Variants in PRPSAP1 observed in about 807,000 individuals in gnomAD.
The protein encoded by PRPSAP1 is phosphoribosyl pyrophosphate synthase-associated protein 1.
PRPSAP1 carries 31 observed loss-of-function variants against 39.4 expected under a neutral mutation model. The ratio of observed to expected loss-of-function variants is 0.79; its 90% CI spans 0.59 to 1.06. The LOEUF (loss-of-function observed/expected upper bound fraction) is 1.06. Among genes scored for constraint, PRPSAP1 ranks in the 50% least tolerant of loss-of-function variants. The pLI, the probability that PRPSAP1 is intolerant of heterozygous loss-of-function variation, is 0.00. For synonymous variants in PRPSAP1, 212 were observed against 192.6 expected, an observed-to-expected ratio of 1.10 and a Z score of -0.83; for missense variants, 430 against 511.6, an observed-to-expected ratio of 0.84 and a Z score of 1.54.
intron 7 of PRPSAP1, among the ~76,000 whole-genome samples, chr17:76,322,326 G>T (rs1164345067): frequency 6.6e-6 from 1 of 152,152 alleles, no homozygotes; most frequent in East Asian, 1.9e-4. Flanking sequence ...AACCCAGGAG[G>T]TGAAGATTGC....
chr17:76,336,562 G>A lies in PRPSAP1; in HGVS notation c.291-4127C>T, dbSNP rs141211354. ...GCCTGACCAACATGGAGAAACCCCC[G>A]TCTCAACTAAAAATACAAAATTAGC... On this transcript the variant is annotated intron_variant, in intron 3 of 9. Transcript: ENST00000446526. 7.6e-3 allele frequency among the ~76,000 whole-genome samples: 1,143 copies of A among 150,988 alleles called. 18 individuals carry two copies. Among genetic ancestry groups the A allele is most frequent in the South Asian group, 0.034 (162 of 4,788 alleles).
Position 76,353,657 on chromosome 17 carries a change from G to T in PRPSAP1, c.47C>A (p.Ala16Asp). ...GGGGCGGGCGCGCGGGACGCGGAAA[G>T]CCGAGGACGCGGAGGGCGGGGGCAA... The part of the protein sequence containing the change: ...LLLPPPSASS[A>D]FRVPRARPVP... Residue 16 changes from alanine to aspartate, a missense_variant, in exon 1 of 10, where the codon GCT (alanine) becomes GAT (aspartate). Coordinates refer to ENST00000446526, the MANE Select transcript of PRPSAP1 (RefSeq NM_002766.3). 6.5e-7 allele frequency: 1 copy of T among 1,529,016 alleles called. No individual in the cohort carries two copies. 94.7% of individuals were successfully genotyped at this position (1,529,016 alleles called of 1,614,324 possible).
chr17:76,329,038 G>GT, intron 6 of PRPSAP1, 176 bp from the exon 7 acceptor site: 1 of 702,350 alleles, frequency 1.4e-6, no homozygotes, highest in East Asian at 3.0e-5. Context: ...CAAAGGGCAC[G>GT]TGAGTTAGGG....
At chr17:76,352,537 T>C (rs2071586779) in intron 1 of PRPSAP1, among the ~76,000 whole-genome samples, 2 of 145,692 alleles carry the variant, frequency 1.4e-5, no homozygotes, top group African/African-American at 2.6e-5. Flanking sequence ...CCCAGCTACT[T>C]GGGAGGCTGG....
chr17:76,353,651 C>A lies in PRPSAP1; in HGVS notation c.53G>T (p.Arg18Leu). The change falls in exon 1 of 10, where the codon CGC becomes CTC. Residue 18 changes from arginine to leucine, a missense_variant. This residue lies in a region of PRPSAP1 where 152 missense variants were observed against 135.2 expected (regional missense o/e 1.12). Transcript: ENST00000446526. ...LPPPSASSAFRVPRARPVPPP... is the reference protein window; with the variant it reads ...LPPPSASSAFLVPRARPVPPP... ...GGGAACGGGGCGGGCGCGCGGGACGCGGAAAGCCGAGGACGCGGAGGGCGG... is the reference window on the plus strand; with the variant it reads ...GGGAACGGGGCGGGCGCGCGGGACGAGGAAAGCCGAGGACGCGGAGGGCGG... 6.5e-7 allele frequency: 1 copy of A among 1,531,614 alleles called. No individual in the cohort carries two copies. The highest frequency in any genetic ancestry group is 2.6e-5 in the East Asian group (1 of 38,518). The allele number at this position is 1,531,614 out of a possible 1,614,324, so 94.9% of individuals were successfully genotyped here.
At chr17:76,339,666 A>T (rs2071415069) in intron 3 of PRPSAP1, among the ~76,000 whole-genome samples, 1 of 151,652 alleles carries the variant, frequency 6.6e-6, no homozygotes, top group Admixed American at 6.6e-5. Context: ...CACCATCTTC[A>T]GGAGAGGGTT....
intron 1 of PRPSAP1, among the ~76,000 whole-genome samples, chr17:76,352,020 T>G (rs1158354939): frequency 6.6e-6 from 1 of 151,854 alleles, no homozygotes; most frequent in Non-Finnish European, 1.5e-5. Context: ...GCAAAAGGAT[T>G]GATTTGTTTT....
At chr17:76,331,874 A>G (rs1242146932) in intron 4 of PRPSAP1, among the ~76,000 whole-genome samples, 1 of 152,092 alleles carries the variant, frequency 6.6e-6, no homozygotes, top group East Asian at 1.9e-4. Flanking sequence ...GGGGAGAGGG[A>G]GTAAAAGAAA....
chr17:76,321,522 C>T (rs576833836), intron 7 of PRPSAP1, among the ~76,000 whole-genome samples: 12 of 152,208 alleles, frequency 7.9e-5, no homozygotes, highest in Non-Finnish European at 1.6e-4. Flanking sequence ...CACACACACA[C>T]ACACGCACAA....
At chr17:76,314,283 G>A (rs899806722) in intron 7 of PRPSAP1, 1 of 224,768 alleles carries the variant, frequency 4.4e-6, no homozygotes, top group Non-Finnish European at 9.0e-6. Flanking sequence ...GCAATGACGC[G>A]ATCTTGGCTC....
At chr17:76,323,621 C>A (rs1016461203) in intron 7 of PRPSAP1, among the ~76,000 whole-genome samples, 1 of 151,986 alleles carries the variant, frequency 6.6e-6, no homozygotes, top group Non-Finnish European at 1.5e-5. Flanking sequence ...AGAATTAGAA[C>A]TGGAACCTGA....
At chr17:76,318,490 T>A (rs557431498) in intron 7 of PRPSAP1, among the ~76,000 whole-genome samples, 1 of 152,166 alleles carries the variant, frequency 6.6e-6, no homozygotes, top group South Asian at 2.1e-4. Flanking sequence ...TAGTTCATCT[T>A]CCTAAAAAAT....
Position 76,344,826 on chromosome 17 carries a change from G to A in PRPSAP1, c.224-89C>T, listed in dbSNP as rs149585503. The A allele has an allele frequency of 1.3e-4, 127 of 953,798 alleles. No homozygotes were observed. The African/African-American group carries it at 1.8e-3, about 13-fold the overall frequency. The allele number at this position is 953,798 out of a possible 1,614,324, so 59.1% of individuals were successfully genotyped here. A position where few individuals can be genotyped will look rare whatever the true frequency, so the allele number is the denominator to read the frequency against. On this transcript the variant is annotated intron_variant, in intron 2 of 9. Coordinates refer to ENST00000446526, the MANE Select transcript of PRPSAP1 (RefSeq NM_002766.3). Reference sequence around the variant, plus strand: ...AAAACAAAAGTACTTCATGCCGGGCGCGGTGGCACATGCCTGTAATCCTAG... The same window carrying A: ...AAAACAAAAGTACTTCATGCCGGGCACGGTGGCACATGCCTGTAATCCTAG...
intron 7 of PRPSAP1, among the ~76,000 whole-genome samples, chr17:76,325,326 G>A (rs929408694): frequency 7.2e-6 from 1 of 139,102 alleles, no homozygotes; most frequent in Non-Finnish European, 1.5e-5. Flanking sequence ...GGAGAATGGC[G>A]TGAACCCGGG....
At chr17:76,320,353 A>AAGAAAAAGGAAGAAAGAT (rs2071181429) in intron 7 of PRPSAP1, among the ~76,000 whole-genome samples, 3 of 118,544 alleles carry the variant, frequency 2.5e-5, no homozygotes, top group Non-Finnish European at 3.3e-5. Context: ...GGAAGGAAGG[A>AAGAAAAAGGAAGAAAGAT]AGAAAAAGGA....
upstream of PRPSAP1, chr17:76,354,057 T>A: frequency 9.3e-7 from 1 of 1,079,372 alleles, no homozygotes; most frequent in Non-Finnish European, 1.1e-6. Context: ...GCCCCGCCCC[T>A]GCTTTGACCG....
chr17:76,327,468 C>G (rs1324801327), intron 7 of PRPSAP1, among the ~76,000 whole-genome samples: 2 of 152,114 alleles, frequency 1.3e-5, no homozygotes, highest in African/African-American at 4.8e-5. Flanking sequence ...TCCTGGCCAA[C>G]ATGGTGAAAG....
intron 2 of PRPSAP1, chr17:76,345,849 A>T (rs1436438694): frequency 7.5e-6 from 3 of 400,044 alleles, no homozygotes; most frequent in African/African-American, 2.1e-5. Context: ...TGCCCAAGAG[A>T]AAGGCTGAAG....
intron 3 of PRPSAP1, 137 bp downstream of exon 3, chr17:76,344,534 G>T: frequency 1.3e-6 from 1 of 742,052 alleles, no homozygotes; most frequent in Non-Finnish European, 2.2e-6. Flanking sequence ...CAAAGTGTTG[G>T]CATAACAGGC....
Sources: allele counts gnomAD v4.1 joint callset (sites outside exome capture counted in the v4.1 genomes callset), GRCh38; gene constraint gnomAD v4.1.1; regional missense constraint gnomAD v4.1.1; transcripts MANE v1.5; gene names NCBI Gene and HGNC (gene_info 2026-07-23, HGNC 2026-07-21).